ERMP1: variants seen among roughly 807,000 people sequenced by gnomAD.
ERMP1 encodes the protein Felix-ina.
In ERMP1, 86 loss-of-function variants were observed where a neutral mutation model predicts 92.0. The ratio of observed to expected loss-of-function variants is 0.93; its 90% CI spans 0.79 to 1.12. The LOEUF is 1.12. Among genes scored for constraint, ERMP1 ranks in the 50% most tolerant of loss-of-function variants. The pLI is 0.00. For synonymous variants in ERMP1, 530 were observed against 412.8 expected, an observed-to-expected ratio of 1.28 and a Z score of -3.44; for missense variants, 1,342 against 1,116.3, an observed-to-expected ratio of 1.20 and a Z score of -2.88.
At chr9:5,799,035 C>T (rs1828563904) in intron 11 of ERMP1, 27 bp from the exon 12 acceptor site, 1 of 1,548,222 alleles carries the variant, frequency 6.5e-7, no homozygotes, top group East Asian at 2.2e-5. Context: ...AGTGAAAAAA[C>T]TGTTTCAACT....
At chr9:5,823,295 A>G (rs1829610651) in intron 4 of ERMP1, among the ~76,000 whole-genome samples, 1 of 152,198 alleles carries the variant, frequency 6.6e-6, no homozygotes, top group African/African-American at 2.4e-5. Context: ...CAATAAAATA[A>G]AAATTATTCT....
In ERMP1 at chr9:5,805,202, A is replaced by C. The variant is rs1036487068; in HGVS notation, c.1739T>G (p.Phe580Cys). ...DFKQHGAQGK[F>C]IAFYLLGMFI... is the part of the protein sequence containing the mutation. The stretch of plus-strand genomic sequence containing the variant: ...CATCCCCAAAAGGTAAAAAGCAATA[A>C]ATTTTCCTTGGGCACCTAGGGAAAA... The change falls in exon 10 of 15, where the codon TTT becomes TGT. Residue 580 changes from phenylalanine to cysteine, a missense_variant. By Grantham distance (205) the Phe-to-Cys change is radical. Transcript: ENST00000339450. 1.2e-6 allele frequency: 2 copies of C among 1,606,210 alleles called. No individual in the cohort carries two copies. The highest frequency in any genetic ancestry group is 2.7e-5 in the African/African-American group (2 of 74,314).
At chr9:5,811,068 T>A in intron 7 of ERMP1, 43 bp downstream of exon 7, 1 of 1,375,486 alleles carries the variant, frequency 7.3e-7, no homozygotes, top group Non-Finnish European at 1.0e-6. Context: ...AAGCACATTC[T>A]ACAGCAATGC....
chr9:5,831,271 C>G (rs1220810915), intron 1 of ERMP1, among the ~76,000 whole-genome samples: 2 of 152,172 alleles, frequency 1.3e-5, no homozygotes, highest in Non-Finnish European at 2.9e-5. Context: ...CCAACTTCTC[C>G]CCATATCAAA....
At chr9:5,816,886 A>G (rs1317646808) in intron 4 of ERMP1, among the ~76,000 whole-genome samples, 2 of 151,024 alleles carry the variant, frequency 1.3e-5, no homozygotes, top group East Asian at 3.9e-4. Flanking sequence ...TCATCTAACT[A>G]CAGAGCCTAT....
Position 5,811,199 on chromosome 9 carries a change from G to C in ERMP1, c.1239C>G (p.Pro413=), listed in dbSNP as rs748045426. 6 of 1,613,888 alleles carry C rather than the reference G, an allele frequency of 3.7e-6. No homozygotes were observed. Among genetic ancestry groups the C allele is most frequent in the Non-Finnish European group, 5.1e-6 (6 of 1,179,988 alleles). The stretch of plus-strand genomic sequence containing the variant: ...AGTTTATGATTGAGCCAATACGAGA[G>C]GGGTAGGCAATGACAAACAGGCCCA... ...DVLGLFVIAY[P]SRIGSIINYM... The change falls in exon 7 of 15, where the codon CCC becomes CCG. Residue 413 remains proline (P), a synonymous_variant. Coordinates refer to ENST00000339450, the MANE Select transcript of ERMP1 (RefSeq NM_024896.3).
At chr9:5,808,311 ATAGT>A (rs1301073652) in intron 8 of ERMP1, among the ~76,000 whole-genome samples, 1 of 152,234 alleles carries the variant, frequency 6.6e-6, no homozygotes, top group African/African-American at 2.4e-5. Flanking sequence ...CCAATCAACA[ATAGT>A]TAGCCACACT....
intron 6 of ERMP1, among the ~76,000 whole-genome samples, chr9:5,847,450 G>A (rs1241587662): frequency 6.6e-6 from 1 of 152,032 alleles, no homozygotes; most frequent in African/African-American, 2.4e-5. Context: ...TGTTGCCCAG[G>A]CTGGTCTTCA....
At position 5,787,529 on chromosome 9, in the gene ERMP1, A is replaced by C; in HGVS notation, c.2451T>G (p.Leu817=). 2 of 1,614,188 alleles carry C rather than the reference A, an allele frequency of 1.2e-6. No homozygotes were observed. The highest frequency in any genetic ancestry group is 1.1e-5 in the South Asian group (1 of 91,072). The stretch of plus-strand genomic sequence containing the variant: ...TACTTGTGACTGGGGTGCCATTGCC[A>C]AGAGACCACTGAGAAAGTGTTGACC... ...HKGSTLSQWS[L]GNGTPVTSKG... is the part of the protein sequence containing the mutation. The change falls in exon 14 of 15, where the codon CTT becomes CTG. Residue 817 remains leucine, a synonymous_variant. Transcript: ENST00000339450.
At chr9:5,837,144 C>T (rs980538607), upstream of ERMP1, among the ~76,000 whole-genome samples, 1 of 152,088 alleles carries the variant, frequency 6.6e-6, no homozygotes, top group Non-Finnish European at 1.5e-5. Flanking sequence ...GGGGTTGAGA[C>T]GATTGGTTAT....
chr9:5,803,023 ACT>A (rs897512371), intron 10 of ERMP1, among the ~76,000 whole-genome samples: 18 of 147,760 alleles, frequency 1.2e-4, no homozygotes, highest in Non-Finnish European at 2.4e-4. Flanking sequence ...ACAGAGCGAG[ACT>A]CTGTCTCAAA....
Position 5,787,513 on chromosome 9 carries a change from C to G in ERMP1, c.2467G>C (p.Val823Leu), listed in dbSNP as rs1032813687. 11 of 1,614,020 alleles carry G rather than the reference C, an allele frequency of 6.8e-6. No homozygotes were observed. The highest frequency in any genetic ancestry group is 9.3e-6 in the Non-Finnish European group (11 of 1,180,002). Residue 823 changes from valine to leucine, a missense_variant, in exon 14 of 15, where the codon GTC (valine) becomes CTC (leucine). Val to Leu is a conservative substitution (Grantham distance 32). Transcript: ENST00000339450. Reference protein sequence around the residue: ...SQWSLGNGTPVTSKGGDYFVF... With the variant: ...SQWSLGNGTPLTSKGGDYFVF... ...AAGTAGTCTCCTCCTTTACTTGTGA[C>G]TGGGGTGCCATTGCCAAGAGACCAC...
intron 5 of ERMP1, among the ~76,000 whole-genome samples, chr9:5,859,865 T>C (rs1466240495): frequency 6.6e-6 from 1 of 152,188 alleles, no homozygotes; most frequent in Non-Finnish European, 1.5e-5. Context: ...TTACTAAGTA[T>C]TTAGATTTAC....
Position 5,807,759 on chromosome 9 carries a change from A to AC in ERMP1, c.1549-1975_1549-1974insG, listed in dbSNP as rs560302984. Among the ~76,000 whole-genome samples the AC allele has an allele frequency of 9.9e-5, 15 of 151,298 alleles. No homozygotes were observed. In the East Asian group the frequency reaches 1.9e-3, roughly 20 times the overall value. The stretch of plus-strand genomic sequence containing the variant: ...AGACTCTGTCTCAACAACAACAACA[A>AC]AAAAAAAACGGAAACAATTCAAATG... On this transcript the variant is annotated intron_variant, in intron 8 of 14. Transcript: ENST00000339450.
intron 6 of ERMP1, among the ~76,000 whole-genome samples, chr9:5,841,517 G>A (rs1830163198): frequency 6.6e-6 from 1 of 152,206 alleles, no homozygotes; most frequent in Non-Finnish European, 1.5e-5. Context: ...ATGTTTTGGG[G>A]CCAGGTGTGG....
At chr9:5,793,741 AGAC>A (rs1828299473) in intron 13 of ERMP1, among the ~76,000 whole-genome samples, 1 of 152,130 alleles carries the variant, frequency 6.6e-6, no homozygotes, top group Non-Finnish European at 1.5e-5. Context: ...TTCTCTAAGA[AGAC>A]ATAACAATCT....
At chr9:5,808,830 T>C (rs1351865973) in intron 8 of ERMP1, among the ~76,000 whole-genome samples, 1 of 152,070 alleles carries the variant, frequency 6.6e-6, no homozygotes, top group Non-Finnish European at 1.5e-5. Context: ...CTTGATCTCA[T>C]GGGCTCAGGT....
At chr9:5,839,226 G>C (rs181456368) in intron 6 of ERMP1, among the ~76,000 whole-genome samples, 192 of 152,262 alleles carry the variant, frequency 1.3e-3, no homozygotes, top group African/African-American at 4.4e-3. Context: ...AAAACTGAGA[G>C]AATTTTCACT....
upstream of ERMP1, among the ~76,000 whole-genome samples, chr9:5,838,050 C>T (rs1217836860): frequency 6.6e-6 from 1 of 152,130 alleles, no homozygotes; most frequent in Admixed American, 6.5e-5. Flanking sequence ...AGTGAGCCAA[C>T]ATCACGCACT....
Sources: gnomAD v4.1 joint callset for allele counts (sites outside exome capture counted in the v4.1 genomes callset) on GRCh38, gnomAD v4.1.1 for gene constraint, MANE v1.5 for transcripts, NCBI Gene and HGNC (gene_info 2026-07-23, HGNC 2026-07-21) for gene names.